Variants in DISC1 observed in about 807,000 individuals in gnomAD.
The protein encoded by DISC1 is DISC1 scaffold protein.
DISC1 carries 57 observed loss-of-function variants against 84.5 expected under a neutral mutation model. That is an observed-to-expected ratio of 0.67 (90% confidence interval 0.55 to 0.84). The LOEUF is 0.84. DISC1 is among the 40% of genes least tolerant of loss of function. The pLI, the probability that DISC1 is intolerant of heterozygous loss-of-function variation, is 0.00. For missense variants in DISC1, 1,000 were observed against 1,057.8 expected, an observed-to-expected ratio of 0.95 and a Z score of 0.76; for synonymous variants, 411 against 415.2, an observed-to-expected ratio of 0.99 and a Z score of 0.12.
At chr1:232,003,992 T>C (rs1250881493) in intron 10 of DISC1, among the ~76,000 whole-genome samples, 1 of 151,668 alleles carries the variant, frequency 6.6e-6, no homozygotes, top group African/African-American at 2.4e-5. Context: ...TAAATTATTT[T>C]CCATATTTTT....
At position 231,972,480 on chromosome 1, in the gene DISC1, G is replaced by A. The variant is rs1662127256; in HGVS notation, c.2042+13592G>A. Among the ~76,000 whole-genome samples, 3 of 152,310 alleles carry A rather than the reference G, an allele frequency of 2.0e-5. No homozygotes were observed. In the South Asian group the frequency reaches 6.2e-4, roughly 32 times the overall value. Reference sequence around the variant, plus strand: ...GCCCCATCTTTGTTTCCCAGGTGGTGAGTGTTTAGGGCATTATATAGCAGC... The same window carrying A: ...GCCCCATCTTTGTTTCCCAGGTGGTAAGTGTTTAGGGCATTATATAGCAGC... On this transcript the variant is annotated intron_variant, in intron 10 of 12. Transcript: ENST00000439617.
chr1:231,652,716 C>T (rs2060737576), intron 1 of DISC1, among the ~76,000 whole-genome samples: 1 of 152,190 alleles, frequency 6.6e-6, no homozygotes. Flanking sequence ...CTAATTTTTT[C>T]CCACTTAGTA....
chr1:231,640,531 T>TA lies in DISC1; in HGVS notation c.67+13597_67+13598insA, dbSNP rs1378108947. 4.6e-4 allele frequency among the ~76,000 whole-genome samples: 68 copies of TA among 148,666 alleles called. 1 individual carries two copies. Among genetic ancestry groups the TA allele is most frequent in the African/African-American group, 1.6e-3 (64 of 40,150 alleles). On this transcript the variant is annotated intron_variant, in intron 1 of 12. Transcript: ENST00000439617. Reference sequence around the variant, plus strand: ...GGGCTCACCAGACCTCCTTGGTATTTTTTTTTTTTTTTTTTGAGACAAGGT... The same window carrying TA: ...GGGCTCACCAGACCTCCTTGGTATTTATTTTTTTTTTTTTTTGAGACAAGGT...
At chr1:231,971,391 T>C (rs1661931650) in intron 10 of DISC1, among the ~76,000 whole-genome samples, 1 of 152,230 alleles carries the variant, frequency 6.6e-6, no homozygotes. Flanking sequence ...TCATGGAATT[T>C]CTCAGATGCT....
intron 3 of DISC1, among the ~76,000 whole-genome samples, chr1:231,705,818 T>A (rs1425579008): frequency 6.6e-6 from 1 of 152,200 alleles, no homozygotes; most frequent in Non-Finnish European, 1.5e-5. Context: ...TTTTCTCTGT[T>A]AGGAGCAGCT....
chr1:231,779,296 TG>T (rs1392208613), intron 6 of DISC1, among the ~76,000 whole-genome samples: 2 of 152,202 alleles, frequency 1.3e-5, no homozygotes, highest in African/African-American at 4.8e-5. Context: ...AACTTTCTTC[TG>T]ATACAAAGAC....
intron 4 of DISC1, among the ~76,000 whole-genome samples, chr1:231,764,099 T>C (rs1241610471): frequency 3.3e-5 from 5 of 152,236 alleles, no homozygotes; most frequent in Non-Finnish European, 7.3e-5. Context: ...AAGATCTAGC[T>C]GTGTGGGAGA....
intron 2 of DISC1, among the ~76,000 whole-genome samples, chr1:231,699,725 C>A (rs1215211155): frequency 6.6e-6 from 1 of 152,210 alleles, no homozygotes; most frequent in Non-Finnish European, 1.5e-5. Flanking sequence ...TAAGTCAGAT[C>A]ATGTGCTCCT....
chr1:231,798,251 T>G (rs1343131972), intron 7 of DISC1, among the ~76,000 whole-genome samples: 1 of 151,962 alleles, frequency 6.6e-6, no homozygotes, highest in Non-Finnish European at 1.5e-5. Flanking sequence ...CAAAAGTAAT[T>G]AAGGGATAAA....
Position 231,675,525 on chromosome 1 carries a change from T to A in DISC1, c.68-18301T>A, listed in dbSNP as rs1028442192. On this transcript the variant is annotated intron_variant, in intron 1 of 12. Transcript: ENST00000439617. The surrounding 1 kb of genome is among the most constrained non-coding windows in gnomAD (Gnocchi z 4.1). ...ATGCTATTTGTACATTTCTCCCTCA[T>A]ACATGTACATTTACTCTCAAAATTT... 1.3e-5 allele frequency among the ~76,000 whole-genome samples: 2 copies of A among 152,182 alleles called. No homozygotes were observed. The highest frequency in any genetic ancestry group is 2.9e-5 in the Non-Finnish European group (2 of 68,030).
intron 1 of DISC1, among the ~76,000 whole-genome samples, chr1:231,690,800 A>T (rs182117957): frequency 2.0e-5 from 3 of 152,256 alleles, no homozygotes; most frequent in Admixed American, 1.3e-4. Context: ...TGCCCTCCGG[A>T]TCTGCCCTCT....
At chr1:231,648,005 A>G (rs1465132602) in intron 1 of DISC1, among the ~76,000 whole-genome samples, 2 of 152,256 alleles carry the variant, frequency 1.3e-5, no homozygotes, top group African/African-American at 2.4e-5. Flanking sequence ...TCATCTGCCA[A>G]CAGGGACAAT....
chr1:231,995,175 G>T (rs1212641685), intron 10 of DISC1, among the ~76,000 whole-genome samples: 1 of 151,858 alleles, frequency 6.6e-6, no homozygotes, highest in Non-Finnish European at 1.5e-5. Flanking sequence ...TGAATTGGAG[G>T]TTAAGTTGCC....
At chr1:231,777,341 C>T (rs1409321610) in intron 6 of DISC1, among the ~76,000 whole-genome samples, 1 of 152,112 alleles carries the variant, frequency 6.6e-6, no homozygotes, top group African/African-American at 2.4e-5. Context: ...CCTGCCTCAG[C>T]CTTCCAAGTG....
chr1:231,655,729 T>G (rs2061006262), intron 1 of DISC1, among the ~76,000 whole-genome samples: 1 of 152,072 alleles, frequency 6.6e-6, no homozygotes, highest in African/African-American at 2.4e-5. Context: ...GTATATAAGC[T>G]TTTCCTTTTC....
At chr1:231,669,232 G>A (rs6668739) in intron 1 of DISC1, among the ~76,000 whole-genome samples, 6,670 of 152,228 alleles carry the variant, frequency 0.044, 489 homozygotes, top group African/African-American at 0.15. Context: ...ATGTCTTTAT[G>A]TTGGTGTACA....
chr1:231,773,332 G>A (rs975344502), intron 6 of DISC1, among the ~76,000 whole-genome samples: 1 of 152,200 alleles, frequency 6.6e-6, no homozygotes, highest in African/African-American at 2.4e-5. Context: ...AGGCATGAAT[G>A]TGTGACTTTT....
At chr1:232,008,679 G>A in intron 10 of DISC1, 106 bp from the exon 11 acceptor site, 2 of 1,325,322 alleles carry the variant, frequency 1.5e-6, no homozygotes, top group Non-Finnish European at 2.0e-6. Flanking sequence ...AAGTCATCAA[G>A]TATAAGATGA....
chr1:231,818,169 A>G (rs148956685), intron 8 of DISC1, among the ~76,000 whole-genome samples, 160 bp from the exon 9 acceptor site: 33 of 152,328 alleles, frequency 2.2e-4, no homozygotes, highest in Non-Finnish European at 4.3e-4. Context: ...ATATTTTTCC[A>G]GGTTCTTTCC....
Sources: allele counts gnomAD v4.1 joint callset (sites outside exome capture counted in the v4.1 genomes callset), GRCh38; gene constraint gnomAD v4.1.1; non-coding constraint Gnocchi (gnomAD v3.1); transcripts MANE v1.5; gene names NCBI Gene and HGNC (gene_info 2026-07-23, HGNC 2026-07-21).